The following VAV3 variants were observed in gnomAD, a reference collection of about 807,000 sequenced individuals.
The protein encoded by VAV3 is guanine nucleotide exchange factor VAV3.
VAV3 carries 94 observed loss-of-function variants against 131.2 expected under a neutral mutation model. The ratio of observed to expected loss-of-function variants is 0.72; its 90% CI spans 0.61 to 0.85. The LOEUF is 0.85. Ranked by LOEUF, VAV3 falls within the 40% of genes least tolerant of loss-of-function variation. The pLI is 0.00. For missense variants in VAV3, 939 were observed against 1,002.7 expected (o/e 0.94, Z 0.86); for synonymous variants, 349 against 342.0 (o/e 1.02, Z -0.22).
intron 25 of VAV3, among the ~76,000 whole-genome samples, chr1:107,574,512 T>C (rs896366348): frequency 2.6e-5 from 4 of 152,220 alleles, no homozygotes; most frequent in African/African-American, 9.6e-5. Context: ...AAAAAACTCG[T>C]TAATATCTAA....
intron 6 of VAV3, among the ~76,000 whole-genome samples, chr1:107,770,189 G>A (rs1261088044): frequency 6.6e-6 from 1 of 152,156 alleles, no homozygotes; most frequent in East Asian, 1.9e-4. Context: ...ATTGGCATAT[G>A]TACACGGCTT....
At chr1:107,882,850 G>A (rs1670848772) in intron 1 of VAV3, among the ~76,000 whole-genome samples, 1 of 152,070 alleles carries the variant, frequency 6.6e-6, no homozygotes. Context: ...TGTGGTATCA[G>A]TTTAGGACTG....
intron 1 of VAV3, among the ~76,000 whole-genome samples, chr1:107,926,096 A>G (rs1021694577): frequency 6.6e-6 from 1 of 152,022 alleles, no homozygotes; most frequent in African/African-American, 2.4e-5. Flanking sequence ...CCTGGCCAAC[A>G]TGGTGAAGCC....
chr1:107,665,577 A>C (rs185088324), intron 19 of VAV3, among the ~76,000 whole-genome samples: 23 of 152,292 alleles, frequency 1.5e-4, no homozygotes, highest in Admixed American at 1.1e-3. Context: ...CTAGCAAGGG[A>C]GATAAGGCAG....
intron 2 of VAV3, among the ~76,000 whole-genome samples, chr1:107,847,382 G>A (rs1274301143): frequency 6.6e-6 from 1 of 151,894 alleles, no homozygotes; most frequent in African/African-American, 2.4e-5. Context: ...CAAGAGCAAA[G>A]AAATTCAAAA....
chr1:107,816,332 C>T lies in VAV3; in HGVS notation c.322-36840G>A, dbSNP rs181043956. ...CATATAAAGTGATAAAATAACCATG[C>T]CAATTCCACAAAGTGATTTTTAAGA... On this transcript the variant is annotated intron_variant, in intron 2 of 26. Coordinates refer to ENST00000370056, the MANE Select transcript of VAV3 (RefSeq NM_006113.5). Among the ~76,000 whole-genome samples, 502 of 152,228 alleles carry T rather than the reference C, an allele frequency of 3.3e-3. 4 individuals carry two copies. The highest frequency in any genetic ancestry group is 8.2e-3 in the African/African-American group (340 of 41,542).
intron 15 of VAV3, among the ~76,000 whole-genome samples, chr1:107,707,392 A>G (rs1276750329): frequency 6.6e-6 from 1 of 152,198 alleles, no homozygotes; most frequent in Non-Finnish European, 1.5e-5. Context: ...ATAAAACAGG[A>G]ATACCAATAA....
chr1:107,659,115 TTA>T (rs1382889971), intron 19 of VAV3, among the ~76,000 whole-genome samples: 1 of 152,094 alleles, frequency 6.6e-6, no homozygotes, highest in African/African-American at 2.4e-5. Context: ...CCATCTTGAA[TTA>T]ATTTTTGTAT....
chr1:107,625,119 A>C (rs1351521136), intron 20 of VAV3, among the ~76,000 whole-genome samples: 3 of 152,128 alleles, frequency 2.0e-5, no homozygotes, highest in Admixed American at 2.0e-4. Flanking sequence ...TGTCTCGGCT[A>C]CCACCAATGT....
chr1:107,956,641 A>G (rs1674830964), intron 1 of VAV3, among the ~76,000 whole-genome samples: 1 of 152,156 alleles, frequency 6.6e-6, no homozygotes, highest in Non-Finnish European at 1.5e-5. Context: ...AAATTGTAGG[A>G]CCCGTAAAAG....
chr1:107,799,452 A>T (rs1170670352), intron 2 of VAV3, among the ~76,000 whole-genome samples: 1 of 152,164 alleles, frequency 6.6e-6, no homozygotes, highest in Non-Finnish European at 1.5e-5. Context: ...CTAAATATGA[A>T]CCAAGTCAAA....
At chr1:107,791,986 C>T (rs1226583716) in intron 2 of VAV3, among the ~76,000 whole-genome samples, 3 of 152,282 alleles carry the variant, frequency 2.0e-5, no homozygotes, top group Admixed American at 6.5e-5. Flanking sequence ...TTCAGATCTG[C>T]TAAAAGCAGG....
intron 1 of VAV3, among the ~76,000 whole-genome samples, chr1:107,924,421 A>C (rs908691846): frequency 4.6e-5 from 7 of 151,820 alleles, no homozygotes; most frequent in African/African-American, 1.7e-4. Flanking sequence ...GTAAACACTC[A>C]ATTTAAAAGA....
At chr1:107,719,526 C>T (rs1450491536) in intron 15 of VAV3, among the ~76,000 whole-genome samples, 1 of 152,162 alleles carries the variant, frequency 6.6e-6, no homozygotes, top group African/African-American at 2.4e-5. Flanking sequence ...CATCTCACAC[C>T]AGTTAGAATG....
intron 2 of VAV3, among the ~76,000 whole-genome samples, chr1:107,864,054 G>A (rs1669869889): frequency 6.6e-6 from 1 of 152,180 alleles, no homozygotes; most frequent in Non-Finnish European, 1.5e-5. Flanking sequence ...CTGCAGAAGA[G>A]CTTATATATA....
chr1:107,772,915 G>A, intron 4 of VAV3, 72 bp from the exon 5 acceptor site: 2 of 1,260,192 alleles, frequency 1.6e-6, no homozygotes, highest in South Asian at 1.4e-5. Flanking sequence ...ATAGCCTACT[G>A]GATTTTAGTA....
intron 1 of VAV3, among the ~76,000 whole-genome samples, chr1:107,927,781 C>G (rs1384107970): frequency 1.3e-5 from 2 of 152,016 alleles, no homozygotes; most frequent in African/African-American, 4.8e-5. Context: ...CACAGGTAGA[C>G]TTCTAAGATT....
chr1:107,778,990 C>T (rs1038136429), intron 3 of VAV3, among the ~76,000 whole-genome samples: 1 of 152,134 alleles, frequency 6.6e-6, no homozygotes, highest in Non-Finnish European at 1.5e-5. Context: ...CTTCAATACA[C>T]ATTCTTGTAC....
At chr1:107,765,493 A>G (rs371903182) in intron 8 of VAV3, among the ~76,000 whole-genome samples, 1 of 152,234 alleles carries the variant, frequency 6.6e-6, no homozygotes, top group Non-Finnish European at 1.5e-5. Context: ...AAACAAAATT[A>G]AAAATTTCTG....
Sources: allele counts gnomAD v4.1 joint callset (sites outside exome capture counted in the v4.1 genomes callset), GRCh38; gene constraint gnomAD v4.1.1; transcripts MANE v1.5; gene names NCBI Gene and HGNC (gene_info 2026-07-23, HGNC 2026-07-21).